The following TENM1 variants were observed in gnomAD, a reference collection of about 807,000 sequenced individuals.
The protein encoded by TENM1 is teneurin-1.
In TENM1, 35 loss-of-function variants were observed where a neutral mutation model predicts 174.8. That is an observed-to-expected ratio of 0.20 (90% CI 0.15 to 0.27). TENM1 has a LOEUF of 0.27. Among genes scored for constraint, TENM1 ranks in the 10% least tolerant of loss-of-function variants. TENM1 has a pLI of 1.00. For synonymous variants in TENM1, 781 were observed against 798.7 expected (o/e 0.98, Z 0.37); for missense variants, 1,633 against 2,130.1 (o/e 0.77, Z 4.59).
chrX:125,172,330 C>A, the TENM1 span, among the ~76,000 whole-genome samples: 5 of 110,035 alleles, frequency 4.5e-5, no homozygotes, highest in East Asian at 8.6e-4. Flanking sequence ...CACCCCCCCC[C>A]ATTTTAAACG....
chrX:125,169,060 C>A, the TENM1 span, among the ~76,000 whole-genome samples: 3 of 110,288 alleles, frequency 2.7e-5, no homozygotes, highest in Non-Finnish European at 3.8e-5. Context: ...AGGGAAGAAG[C>A]CACATCTTTT....
At chrX:124,427,894 A>G (rs1442417674) in intron 23 of TENM1, among the ~76,000 whole-genome samples, 2 of 110,253 alleles carry the variant, frequency 1.8e-5, no homozygotes, top group African/African-American at 3.3e-5. Flanking sequence ...TTGGCCCCCA[A>G]TTGCTGCTAC....
chrX:124,849,423 TTCTC>T (rs764565999), intron 3 of TENM1, among the ~76,000 whole-genome samples: 3 of 99,567 alleles, frequency 3.0e-5, no homozygotes, highest in Non-Finnish European at 5.8e-5. Flanking sequence ...CTTTCTTTTT[TTCTC>T]TCTCTCTCTC....
At chrX:124,877,041 C>T (rs938528657) in intron 3 of TENM1, among the ~76,000 whole-genome samples, 6 of 111,738 alleles carry the variant, frequency 5.4e-5, no homozygotes, top group African/African-American at 1.6e-4. Flanking sequence ...CCAGTTCAAA[C>T]GAAAATTTAA....
chrX:124,730,550 T>C (rs1235312610), intron 4 of TENM1, among the ~76,000 whole-genome samples: 1 of 111,461 alleles, frequency 9.0e-6, no homozygotes, highest in Non-Finnish European at 1.9e-5. Flanking sequence ...ATAAGACACT[T>C]GGCCAGAAGG....
chrX:124,440,517 C>T (rs896339531), intron 23 of TENM1, among the ~76,000 whole-genome samples: 3 of 111,581 alleles, frequency 2.7e-5, no homozygotes, highest in Non-Finnish European at 5.7e-5. Context: ...TCAGTTTTTA[C>T]ATCTAGTACT....
At chrX:124,398,003 C>A (rs983363994) in intron 27 of TENM1, among the ~76,000 whole-genome samples, 1 of 109,205 alleles carries the variant, frequency 9.2e-6, no homozygotes, top group Non-Finnish European at 1.9e-5. Context: ...CCCAGGCGGG[C>A]GGATCACAAG....
intron 11 of TENM1, among the ~76,000 whole-genome samples, chrX:124,601,700 C>T (rs762088148): frequency 1.8e-5 from 2 of 110,282 alleles, no homozygotes; most frequent in African/African-American, 6.6e-5. Context: ...CTACCCAAAC[C>T]GTATGATTTT....
At chrX:124,697,042 A>G (rs2052667794) in intron 5 of TENM1, among the ~76,000 whole-genome samples, 1 of 111,343 alleles carries the variant, frequency 9.0e-6, no homozygotes, top group South Asian at 3.8e-4. Flanking sequence ...CTCCTTTAAT[A>G]TGAGCTAAAT....
chrX:124,879,022 G>A (rs1399027599), intron 3 of TENM1, among the ~76,000 whole-genome samples: 1 of 111,666 alleles, frequency 9.0e-6, no homozygotes, highest in Admixed American at 9.5e-5. Flanking sequence ...TCATATTTAT[G>A]GGATACATGT....
chrX:124,870,654 AT>A (rs373560601), intron 3 of TENM1, among the ~76,000 whole-genome samples: 104 of 104,199 alleles, frequency 1.0e-3, no homozygotes, highest in South Asian at 2.5e-3. Flanking sequence ...TGCCTCAAGT[AT>A]TTTTTTTTTT....
At chrX:124,622,311 G>A (rs1200702372) in intron 11 of TENM1, among the ~76,000 whole-genome samples, 1 of 111,725 alleles carries the variant, frequency 9.0e-6, no homozygotes, top group Non-Finnish European at 1.9e-5. Flanking sequence ...AGGGAGAGAC[G>A]CATAGCCTGA....
the TENM1 span, among the ~76,000 whole-genome samples, chrX:124,969,533 T>G: frequency 8.9e-6 from 1 of 112,498 alleles, no homozygotes; most frequent in African/African-American, 3.2e-5. Context: ...CATAAAGCAG[T>G]TATCAGGTAC....
chrX:124,775,591 C>T (rs766281711), intron 3 of TENM1, among the ~76,000 whole-genome samples: 3 of 112,102 alleles, frequency 2.7e-5, no homozygotes, highest in African/African-American at 9.7e-5. Context: ...GCAAGGAGAA[C>T]TTGGCTCTTC....
intron 1 of TENM1, among the ~76,000 whole-genome samples, chrX:124,938,125 C>T (rs771905797): frequency 5.4e-5 from 6 of 111,641 alleles, no homozygotes; most frequent in East Asian, 2.8e-4. Context: ...TAATAAAACA[C>T]GAATACAATA....
At chrX:124,494,438 G>A (rs2047141043) in intron 20 of TENM1, among the ~76,000 whole-genome samples, 1 of 111,419 alleles carries the variant, frequency 9.0e-6, no homozygotes, top group Admixed American at 9.5e-5. Flanking sequence ...TTTACCCAGG[G>A]GAAAGGAAAC....
intron 11 of TENM1, among the ~76,000 whole-genome samples, chrX:124,637,254 T>A (rs2148361105): frequency 9.1e-6 from 1 of 110,188 alleles, no homozygotes; most frequent in South Asian, 4.0e-4. Flanking sequence ...CATGCCTGGC[T>A]AATTTTTGTA....
chrX:125,122,166 T>C, the TENM1 span, among the ~76,000 whole-genome samples: 431 of 112,231 alleles, frequency 3.8e-3, 2 homozygotes, highest in African/African-American at 0.013. Context: ...ATGTCTGATA[T>C]GATACACAGT....
chrX:124,747,632 T>A (rs1052107075), intron 3 of TENM1, among the ~76,000 whole-genome samples: 2 of 109,197 alleles, frequency 1.8e-5, no homozygotes, highest in Non-Finnish European at 3.8e-5. Flanking sequence ...AAGGTACTCA[T>A]GTACCTTGTG....
Sources: allele counts gnomAD v4.1 joint callset (sites outside exome capture counted in the v4.1 genomes callset), GRCh38; gene constraint gnomAD v4.1.1; transcripts MANE v1.5; gene names NCBI Gene and HGNC (gene_info 2026-07-23, HGNC 2026-07-21).